The following CHRNB4 variants were observed in gnomAD, a reference collection of about 807,000 sequenced individuals.
CHRNB4 encodes cholinergic receptor nicotinic beta 4 subunit, also known as neuronal acetylcholine receptor subunit beta-4.
A neutral mutation model predicts 40.4 loss-of-function variants in CHRNB4; 23 were observed. The observed-to-expected ratio is 0.57, with a 90% CI of 0.41 to 0.81. The LOEUF is 0.81. CHRNB4 is among the 30% of genes least tolerant of loss of function. The pLI, the probability that CHRNB4 is intolerant of heterozygous loss-of-function variation, is 0.00. For missense variants in CHRNB4, 568 were observed against 670.6 expected (o/e 0.85, Z 1.69); for synonymous variants, 285 against 274.4 (o/e 1.04, Z -0.38).
intron 1 of CHRNB4, among the ~76,000 whole-genome samples, chr15:78,639,230 A>G (rs556219174): frequency 6.6e-6 from 1 of 152,314 alleles, no homozygotes; most frequent in East Asian, 1.9e-4. Context: ...AGGCAGAGTG[A>G]TTTTTCAACT....
upstream of CHRNB4, among the ~76,000 whole-genome samples, chr15:78,645,153 C>G (rs1345390910): frequency 6.6e-6 from 1 of 152,186 alleles, no homozygotes; most frequent in African/African-American, 2.4e-5. Context: ...GTCCGTCTAC[C>G]CTAGTCATCC....
chr15:78,657,384 C>T (rs937418794), intron 2 of CHRNB4: 1 of 152,084 alleles, frequency 6.6e-6, no homozygotes, highest in Non-Finnish European at 1.5e-5. Flanking sequence ...TGCACAACAC[C>T]TAATAGGAAT....
chr15:78,632,486 T>A (rs1022489293), intron 2 of CHRNB4, among the ~76,000 whole-genome samples: 1 of 151,904 alleles, frequency 6.6e-6, no homozygotes, highest in Non-Finnish European at 1.5e-5. Flanking sequence ...TTTTAAAAAA[T>A]TTTTTGTGGA....
At chr15:78,652,726 T>C (rs2141409803) in intron 5 of CHRNB4, 1 of 152,402 alleles carries the variant, frequency 6.6e-6, no homozygotes, top group Non-Finnish European at 1.5e-5. Flanking sequence ...CCATTTTGGT[T>C]CTGCCATTTT....
chr15:78,654,665 ACT>A (rs1322986651), intron 5 of CHRNB4, among the ~76,000 whole-genome samples: 1 of 152,162 alleles, frequency 6.6e-6, no homozygotes, highest in African/African-American at 2.4e-5. Context: ...TCATCCCTAT[ACT>A]GTCTGTAACT....
intron 2 of CHRNB4, 46 bp downstream of exon 2, chr15:78,635,393 C>T (rs750525711): frequency 1.8e-5 from 29 of 1,598,526 alleles, no homozygotes; most frequent in South Asian, 3.3e-5. Flanking sequence ...TGGGCATGAG[C>T]GGCCTCTCCA....
intron 6 of CHRNB4, among the ~76,000 whole-genome samples, chr15:78,651,296 C>G (rs2054169392): frequency 6.6e-6 from 1 of 152,194 alleles, no homozygotes; most frequent in African/African-American, 2.4e-5. Context: ...GGGTGGCAGG[C>G]AGACCTGATC....
At chr15:78,638,060 T>C (rs934495369) in intron 1 of CHRNB4, among the ~76,000 whole-genome samples, 1 of 152,220 alleles carries the variant, frequency 6.6e-6, no homozygotes, top group East Asian at 1.9e-4. Flanking sequence ...CCATCTGGCA[T>C]GTCTGAGGCA....
intron 2 of CHRNB4, among the ~76,000 whole-genome samples, chr15:78,657,789 T>C (rs1341672622): frequency 6.6e-6 from 1 of 151,988 alleles, no homozygotes; most frequent in Non-Finnish European, 1.5e-5. Flanking sequence ...CCTGCCCTCA[T>C]GATCTGCCCG....
rs2053950763 is a variant in CHRNB4 at position 78,636,391 on chromosome 15, C to T, written c.56-804G>A. On this transcript the variant is annotated intron_variant, in intron 1 of 5. Coordinates refer to ENST00000261751, the MANE Select transcript of CHRNB4 (RefSeq NM_000750.5). ...TACAGCAAACTGGTCTAGGGCCCTT[C>T]CCTACCCACAACTCTCAGAGCTGTA... 5.3e-5 allele frequency among the ~76,000 whole-genome samples: 8 copies of T among 152,180 alleles called. No individual in the cohort carries two copies. The South Asian group carries it at 1.7e-3, about 32-fold the overall frequency.
At position 78,629,170 on chromosome 15, in the gene CHRNB4, G is replaced by A. The variant is rs763330841; in HGVS notation, c.1135C>T (p.Pro379Ser). 12 of 1,613,980 alleles carry A rather than the reference G, an allele frequency of 7.4e-6. No homozygotes were observed. Among genetic ancestry groups the A allele is most frequent in the Admixed American group, 3.3e-5 (2 of 59,988 alleles). ...ATGGAGTTCCCATAGAAGTTGGAGG[G>A]GCTGGTGGAGGTGGCGGTGGCCTCG... ...KPEATATSTS[P>S]SNFYGNSMYF... The change falls in exon 5 of 6, where the codon CCC (proline) becomes TCC (serine). Residue 379 changes from proline to serine, a missense_variant. By Grantham distance (74) the Pro-to-Ser change is moderately conservative. Coordinates refer to ENST00000261751, the MANE Select transcript of CHRNB4 (RefSeq NM_000750.5). The surrounding 1 kb of genome is among the most constrained non-coding windows in gnomAD (Gnocchi z 6.8).
upstream of CHRNB4, chr15:78,661,429 G>C: frequency 1.9e-6 from 1 of 517,208 alleles, no homozygotes; most frequent in South Asian, 1.7e-5. Flanking sequence ...GAGCAACAGA[G>C]TGACCGGTTG....
At chr15:78,626,995 G>A (rs1279370435) in intron 5 of CHRNB4, 4 of 152,282 alleles carry the variant, frequency 2.6e-5, no homozygotes, top group Non-Finnish European at 5.9e-5. Context: ...AATCTAGAAT[G>A]TGCACACGAA....
At chr15:78,652,722 T>G (rs1404990280) in intron 5 of CHRNB4, 1 of 152,274 alleles carries the variant, frequency 6.6e-6, no homozygotes, top group Non-Finnish European at 1.5e-5. Flanking sequence ...GTACCCATTT[T>G]GGTTCTGCCA....
At chr15:78,639,139 T>C (rs1227716687) in intron 1 of CHRNB4, among the ~76,000 whole-genome samples, 2 of 152,222 alleles carry the variant, frequency 1.3e-5, no homozygotes, top group African/African-American at 2.4e-5. Flanking sequence ...TGGAAAGATA[T>C]ACCTATTGTT....
chr15:78,647,860 T>TCAA (rs1405479060), intron 7 of CHRNB4, among the ~76,000 whole-genome samples: 3 of 19,368 alleles, frequency 1.5e-4, no homozygotes, highest in Non-Finnish European at 3.0e-4. Context: ...AGACTCCATC[T>TCAA]CAAAAAAAAA....
At chr15:78,637,345 G>C (rs900103454) in intron 1 of CHRNB4, among the ~76,000 whole-genome samples, 2 of 152,160 alleles carry the variant, frequency 1.3e-5, no homozygotes, top group African/African-American at 4.8e-5. Context: ...AAAGCATAGA[G>C]GGGGCAGCTT....
intron 7 of CHRNB4, chr15:78,649,301 C>A: frequency 2.5e-6 from 1 of 407,064 alleles, no homozygotes; most frequent in Non-Finnish European, 4.8e-6. Flanking sequence ...CTCATAGTCA[C>A]CCTTGTGTAG....
chr15:78,625,007 G>T lies in CHRNB4; in HGVS notation c.*126C>A, dbSNP rs2053616420. The T allele has an allele frequency of 6.3e-7, 1 of 1,595,306 alleles. No homozygotes were observed. The highest frequency in any genetic ancestry group is 1.3e-5 in the African/African-American group (1 of 74,852). ...CTTGCCTGTTCCACGGCTGTGGCTG[G>T]TTTGATGGGGTTGATGGCCAATGCT... is the stretch of plus-strand genomic sequence containing the variant. On this transcript the variant is annotated 3_prime_UTR_variant, in exon 6 of 6. Coordinates refer to ENST00000261751, the MANE Select transcript of CHRNB4 (RefSeq NM_000750.5).
Sources: gnomAD v4.1 joint callset for allele counts (sites outside exome capture counted in the v4.1 genomes callset) on GRCh38, gnomAD v4.1.1 for gene constraint, Gnocchi (gnomAD v3.1) non-coding constraint, MANE v1.5 for transcripts, NCBI Gene and HGNC (gene_info 2026-07-23, HGNC 2026-07-21) for gene names.